PZP: variants seen among roughly 807,000 people sequenced by gnomAD.
PZP encodes pregnancy zone protein.
A neutral mutation model predicts 179.8 loss-of-function variants in PZP; 150 were observed. The ratio of observed to expected loss-of-function variants is 0.83; its 90% CI spans 0.73 to 0.96. PZP has a LOEUF of 0.96. Ranked by LOEUF, PZP falls within the 40% of genes least tolerant of loss-of-function variation. PZP has a pLI of 0.00. For synonymous variants in PZP, 624 were observed against 652.3 expected, an observed-to-expected ratio of 0.96 and a Z score of 0.66; for missense variants, 1,689 against 1,764.0, an observed-to-expected ratio of 0.96 and a Z score of 0.76.
Position 9,163,719 on chromosome 12 carries a change from C to G in PZP, c.2685G>C (p.Glu895Asp). 6.2e-7 allele frequency: 1 copy of G among 1,613,936 alleles called. No homozygotes were observed. The highest frequency in any genetic ancestry group is 8.5e-7 in the Non-Finnish European group (1 of 1,179,894). The change falls in exon 21 of 36, where the codon GAG (glutamate) becomes GAC (aspartate). Residue 895 changes from glutamate (E) to aspartate (D), a missense_variant. Glu to Asp is a conservative substitution (Grantham distance 45). Coordinates refer to ENST00000261336, the MANE Select transcript of PZP (RefSeq NM_002864.3). ...TGTCTTTTCTTTTAATCTCAGGGAC[C>G]TCAACAACCTCATTTCCACAGAGTT... ...SLELCGNEVV[E>D]VPEIKRKDTV...
At chr12:9,140,330 T>A in the PZP span, among the ~76,000 whole-genome samples, 2 of 152,132 alleles carry the variant, frequency 1.3e-5, no homozygotes, top group African/African-American at 4.8e-5. Flanking sequence ...ATCCATTTGG[T>A]TGTTTTGGAA....
intron 15 of PZP, among the ~76,000 whole-genome samples, chr12:9,176,566 C>A (rs1471690067): frequency 6.6e-6 from 1 of 152,178 alleles, no homozygotes; most frequent in Admixed American, 6.5e-5. Context: ...TTGGATAGAC[C>A]AATGTCTATG....
At chr12:9,184,228 T>C (rs933957133) in intron 13 of PZP, among the ~76,000 whole-genome samples, 4 of 152,170 alleles carry the variant, frequency 2.6e-5, no homozygotes, top group Admixed American at 6.5e-5. Context: ...CATCAGAGCA[T>C]TGGCAGGCAC....
intron 13 of PZP, among the ~76,000 whole-genome samples, chr12:9,190,609 T>C (rs1943405111): frequency 6.6e-6 from 1 of 152,120 alleles, no homozygotes; most frequent in African/African-American, 2.4e-5. Context: ...GCTTAGAACC[T>C]GGGTAACGAA....
chr12:9,186,065 C>G (rs1026077147), intron 13 of PZP, among the ~76,000 whole-genome samples: 2 of 152,010 alleles, frequency 1.3e-5, no homozygotes, highest in African/African-American at 2.4e-5. Flanking sequence ...CTTGACCCCC[C>G]AAAGTGCTGG....
intron 12 of PZP, 97 bp downstream of exon 12, chr12:9,192,415 G>T: frequency 7.8e-7 from 1 of 1,289,966 alleles, no homozygotes. Flanking sequence ...AACACAAGGT[G>T]GCTGTGTGCA....
At chr12:9,206,174 T>C (rs768618130) in intron 1 of PZP, among the ~76,000 whole-genome samples, 4 of 152,202 alleles carry the variant, frequency 2.6e-5, no homozygotes, top group African/African-American at 9.6e-5. Context: ...GCATAATAAA[T>C]AATAAAAATG....
chr12:9,142,301 T>A, the PZP span, among the ~76,000 whole-genome samples: 6 of 152,356 alleles, frequency 3.9e-5, no homozygotes, highest in African/African-American at 1.4e-4. Context: ...CCAATATTAA[T>A]GTTTCATTTA....
At chr12:9,198,616 T>A (rs1341089921) in intron 7 of PZP, among the ~76,000 whole-genome samples, 1 of 152,010 alleles carries the variant, frequency 6.6e-6, no homozygotes, top group Non-Finnish European at 1.5e-5. Flanking sequence ...ACAAAATAAT[T>A]AGTGGGGTTA....
chr12:9,184,194 C>T (rs942063597), intron 13 of PZP, among the ~76,000 whole-genome samples: 1 of 152,236 alleles, frequency 6.6e-6, no homozygotes, highest in African/African-American at 2.4e-5. Flanking sequence ...TCCATCACCC[C>T]TACTCCTACC....
At chr12:9,179,473 A>C (rs753591246) in intron 15 of PZP, among the ~76,000 whole-genome samples, 77 of 152,230 alleles carry the variant, frequency 5.1e-4, no homozygotes, top group Non-Finnish European at 8.1e-4. Flanking sequence ...CTATAGTCAA[A>C]AGCAGATAAT....
chr12:9,143,141 A>G, the PZP span, among the ~76,000 whole-genome samples: 9 of 152,226 alleles, frequency 5.9e-5, no homozygotes, highest in Non-Finnish European at 1.3e-4. Flanking sequence ...TAAATAATAT[A>G]CCAAGTTAAA....
In PZP at chr12:9,194,829, G is replaced by T. The variant is rs774973641; in HGVS notation, c.1093-591C>A. Among the ~76,000 whole-genome samples the T allele has an allele frequency of 5.9e-5, 9 of 152,248 alleles. No individual in the cohort carries two copies. The East Asian group carries it at 1.4e-3, about 23-fold the overall frequency. On this transcript the variant is annotated intron_variant, in intron 10 of 35. Coordinates refer to ENST00000261336, the MANE Select transcript of PZP (RefSeq NM_002864.3). The stretch of plus-strand genomic sequence containing the variant: ...ATATGCACTTGGAATAAGAATAAAA[G>T]AAATGAATTTAAACTGGCTGTTTTT...
Position 9,192,547 on chromosome 12 carries a change from T to C in PZP, c.1447A>G (p.Met483Val), listed in dbSNP as rs1456321123. 3 of 1,614,184 alleles carry C rather than the reference T, an allele frequency of 1.9e-6. No homozygotes were observed. In the South Asian group the frequency reaches 3.3e-5, roughly 18 times the overall value. The change falls in exon 12 of 36, where the codon ATG becomes GTG. Residue 483 changes from methionine to valine, a missense_variant. Coordinates refer to ENST00000261336, the MANE Select transcript of PZP (RefSeq NM_002864.3). ...TAHYTLNRQA[M>V]GELSELSFHY... ...AAACTGAGCTCCGATAACTCTCCCA[T>C]GGCCTGTCTATTCAGTGTATAGTGT...
intron 2 of PZP, among the ~76,000 whole-genome samples, chr12:9,203,404 C>T (rs1391453344): frequency 1.5e-5 from 2 of 136,620 alleles, no homozygotes; most frequent in African/African-American, 2.8e-5. Flanking sequence ...TGCAGTGGGG[C>T]GATCTCGGCT....
intron 22 of PZP, 117 bp downstream of exon 22, chr12:9,162,480 G>A: frequency 8.1e-6 from 6 of 745,066 alleles, no homozygotes; most frequent in Non-Finnish European, 1.4e-5. Context: ...TTAGTATTAT[G>A]CTGACTTTCA....
downstream of PZP, among the ~76,000 whole-genome samples, chr12:9,144,840 G>A (rs947477387): frequency 4.6e-5 from 7 of 152,178 alleles, no homozygotes; most frequent in East Asian, 5.8e-4. Flanking sequence ...GTTTATTTTC[G>A]TGTTGGAATG....
At chr12:9,181,250 G>T in intron 14 of PZP, 118 bp from the exon 15 acceptor site, 2 of 1,271,520 alleles carry the variant, frequency 1.6e-6, no homozygotes, top group Non-Finnish European at 2.2e-6. Context: ...GGTAATGTCA[G>T]TCAGAAACCT....
intron 25 of PZP, among the ~76,000 whole-genome samples, 176 bp from the exon 26 acceptor site, chr12:9,158,752 C>CTTTTT (rs200458490): frequency 4.0e-4 from 39 of 97,806 alleles, no homozygotes; most frequent in Non-Finnish European, 5.9e-4. Context: ...TTTTTCTTTT[C>CTTTTT]TTTTCTTTTT....
Sources: gnomAD v4.1 joint callset for allele counts (sites outside exome capture counted in the v4.1 genomes callset) on GRCh38, gnomAD v4.1.1 for gene constraint, MANE v1.5 for transcripts, NCBI Gene and HGNC (gene_info 2026-07-23, HGNC 2026-07-21) for gene names.